Variants in DGKB observed in about 807,000 individuals in gnomAD.
DGKB encodes the protein 90 kDa diacylglycerol kinase.
DGKB carries 67 observed loss-of-function variants against 114.3 expected under a neutral mutation model. The ratio of observed to expected loss-of-function variants is 0.59; its 90% CI spans 0.48 to 0.72. The LOEUF is 0.72. DGKB is among the 30% of genes least tolerant of loss of function. DGKB has a pLI of 0.00. For missense variants in DGKB, 907 were observed against 975.2 expected, an observed-to-expected ratio of 0.93 and a Z score of 0.93; for synonymous variants, 398 against 323.1, an observed-to-expected ratio of 1.23 and a Z score of -2.49.
rs531525597 is a variant in DGKB, at chr7:14,613,319, A to G, written c.1358+21T>C. 7.3e-6 allele frequency: 11 copies of G among 1,509,146 alleles called. 1 individual carries two copies. In the South Asian group the frequency reaches 1.1e-4, roughly 15 times the overall value. The allele number at this position is 1,509,146 out of a possible 1,614,324, so 93.5% of individuals were successfully genotyped here. ...TTTACATATACATGACATAGACACTAAAATCAATCAAAAAACATACCGTTC... is the reference window on the plus strand; with the variant it reads ...TTTACATATACATGACATAGACACTGAAATCAATCAAAAAACATACCGTTC... On this transcript the variant is annotated intron_variant, in intron 16 of 25. Coordinates refer to ENST00000402815, the MANE Select transcript of DGKB (RefSeq NM_001350709.2).
chr7:14,359,225 C>A (rs187423310), intron 21 of DGKB, among the ~76,000 whole-genome samples: 1 of 152,160 alleles, frequency 6.6e-6, no homozygotes, highest in African/African-American at 2.4e-5. Context: ...TGAAAGGATT[C>A]CTTATTTAAT....
intron 2 of DGKB, among the ~76,000 whole-genome samples, chr7:14,835,069 C>G (rs191296979): frequency 8.4e-4 from 128 of 152,112 alleles, no homozygotes; most frequent in African/African-American, 3.0e-3. Flanking sequence ...AACATATATT[C>G]TAGAAATATA....
chr7:14,291,415 T>A (rs996874414), intron 23 of DGKB, among the ~76,000 whole-genome samples: 2 of 152,174 alleles, frequency 1.3e-5, no homozygotes, highest in Non-Finnish European at 2.9e-5. Context: ...AGAATTTTAT[T>A]TATGCTTTAA....
intron 9 of DGKB, among the ~76,000 whole-genome samples, chr7:14,690,341 G>C (rs2128987674): frequency 6.6e-6 from 1 of 152,256 alleles, no homozygotes; most frequent in African/African-American, 2.4e-5. Context: ...ACAGAGCTAA[G>C]GTCTGTTATC....
rs1352795222 is a variant in DGKB at position 14,875,922 on chromosome 7, A to T, written c.-188+26670T>A. Among the ~76,000 whole-genome samples, 2 of 152,166 alleles carry T rather than the reference A, an allele frequency of 1.3e-5. 1 individual carries two copies. The highest frequency in any genetic ancestry group is 1.3e-4 in the Admixed American group (2 of 15,272). On this transcript the variant is annotated intron_variant, in intron 1 of 25. Coordinates refer to ENST00000402815, the MANE Select transcript of DGKB (RefSeq NM_001350709.2). ...TCTTCCAATGTGGCCCAGGGGAGCC[A>T]AAAGATTGGACACTCTTGGGATAAA...
intron 23 of DGKB, among the ~76,000 whole-genome samples, chr7:14,318,983 T>C (rs1807191537): frequency 6.6e-6 from 1 of 152,132 alleles, no homozygotes; most frequent in South Asian, 2.1e-4. Context: ...TCATGTCCTT[T>C]GTAGGGACTT....
intron 15 of DGKB, among the ~76,000 whole-genome samples, chr7:14,618,867 A>G (rs1807068153): frequency 1.3e-5 from 2 of 151,248 alleles, no homozygotes; most frequent in Non-Finnish European, 3.0e-5. Context: ...GCTGCAACTC[A>G]ATGCTTTTTA....
chr7:14,658,889 T>G (rs2128918470), intron 13 of DGKB, among the ~76,000 whole-genome samples: 1 of 152,038 alleles, frequency 6.6e-6, no homozygotes, highest in South Asian at 2.1e-4. Flanking sequence ...GATGGTATTT[T>G]TATTAACTCT....
intron 2 of DGKB, among the ~76,000 whole-genome samples, chr7:14,787,843 G>A (rs555219925): frequency 1.3e-5 from 2 of 152,318 alleles, no homozygotes; most frequent in African/African-American, 2.4e-5. Flanking sequence ...AGAAGGGACA[G>A]GAAAACCTCT....
At chr7:14,345,070 A>G (rs1489341032) in intron 22 of DGKB, among the ~76,000 whole-genome samples, 1 of 151,618 alleles carries the variant, frequency 6.6e-6, no homozygotes, top group Non-Finnish European at 1.5e-5. Context: ...GTTGTGTTCC[A>G]CTTCTCATTC....
At chr7:14,616,648 A>G (rs1182543697) in intron 15 of DGKB, among the ~76,000 whole-genome samples, 1 of 151,770 alleles carries the variant, frequency 6.6e-6, no homozygotes, top group Non-Finnish European at 1.5e-5. Flanking sequence ...GATCATCTGA[A>G]GTAGAACAGC....
At chr7:14,687,404 T>C (rs1377091063) in intron 9 of DGKB, among the ~76,000 whole-genome samples, 1 of 152,186 alleles carries the variant, frequency 6.6e-6, no homozygotes, top group South Asian at 2.1e-4. Context: ...ACACAGGTGT[T>C]TTAATTTTCT....
intron 20 of DGKB, among the ~76,000 whole-genome samples, chr7:14,529,942 T>C (rs1991686): frequency 0.17 from 26,032 of 151,576 alleles, 3,570 homozygotes; most frequent in East Asian, 0.54. Flanking sequence ...ATGCTATAAG[T>C]AGTAACTTAT....
chr7:14,453,870 T>C (rs903408578), intron 21 of DGKB, among the ~76,000 whole-genome samples: 5 of 152,202 alleles, frequency 3.3e-5, no homozygotes, highest in African/African-American at 9.6e-5. Flanking sequence ...AGAACTGGCA[T>C]ATGGGCCATA....
At chr7:14,534,923 AT>A (rs1792177976) in intron 20 of DGKB, among the ~76,000 whole-genome samples, 1 of 152,212 alleles carries the variant, frequency 6.6e-6, no homozygotes, top group African/African-American at 2.4e-5. Context: ...TGTGAATAAA[AT>A]AAACTCTCGA....
chr7:14,929,305 C>G (rs747216162), intron 1 of DGKB, among the ~76,000 whole-genome samples: 1 of 152,044 alleles, frequency 6.6e-6, no homozygotes, highest in Non-Finnish European at 1.5e-5. Flanking sequence ...TGAGAAATCT[C>G]CACACTGTTT....
chr7:14,485,475 T>A (rs1232740005), intron 20 of DGKB, among the ~76,000 whole-genome samples: 3 of 152,012 alleles, frequency 2.0e-5, no homozygotes, highest in Non-Finnish European at 4.4e-5. Flanking sequence ...TTTTCTAGAA[T>A]GAAATAACTT....
intron 14 of DGKB, among the ~76,000 whole-genome samples, chr7:14,623,283 G>T (rs988010338): frequency 9.2e-5 from 14 of 152,054 alleles, no homozygotes; most frequent in Admixed American, 8.5e-4. Context: ...CACTTACTCA[G>T]CTATATATAT....
intron 23 of DGKB, among the ~76,000 whole-genome samples, chr7:14,318,609 A>G (rs1328960813): frequency 6.6e-6 from 1 of 152,102 alleles, no homozygotes; most frequent in Non-Finnish European, 1.5e-5. Context: ...ACCAGTTAGA[A>G]TGGCAATCAT....
Sources: gnomAD v4.1 joint callset for allele counts (sites outside exome capture counted in the v4.1 genomes callset) on GRCh38, gnomAD v4.1.1 for gene constraint, MANE v1.5 for transcripts, NCBI Gene and HGNC (gene_info 2026-07-23, HGNC 2026-07-21) for gene names.